Variants in RIGI observed in about 807,000 individuals in gnomAD.
RIGI encodes antiviral innate immune response receptor RIG-I.
the RIGI span, chr9:32,480,314 A>C: frequency 4.3e-6 from 7 of 1,609,642 alleles, no homozygotes; most frequent in Non-Finnish European, 5.9e-6. Flanking sequence ...AGCATCTTTC[A>C]TTCGTGCATG....
chr9:32,524,793 G>C, the RIGI span, among the ~76,000 whole-genome samples: 1 of 151,664 alleles, frequency 6.6e-6, no homozygotes, highest in Non-Finnish European at 1.5e-5. Flanking sequence ...GGTAGAGACG[G>C]GGTTTCACCA....
chr9:32,456,302 A>G, the RIGI span: 3 of 152,126 alleles, frequency 2.0e-5, no homozygotes, highest in Non-Finnish European at 2.9e-5. Context: ...TATGCTCTCT[A>G]CTAAAAGCTG....
chr9:32,497,448 A>G, the RIGI span, among the ~76,000 whole-genome samples: 2 of 152,136 alleles, frequency 1.3e-5, no homozygotes, highest in South Asian at 2.1e-4. Context: ...GGTTTTCTAC[A>G]TATAAGATTC....
the RIGI span, chr9:32,492,649 A>G: frequency 7.8e-7 from 1 of 1,276,028 alleles, no homozygotes; most frequent in South Asian, 1.3e-5. Context: ...GCCATTGTAC[A>G]TTACAGCTCA....
the RIGI span, among the ~76,000 whole-genome samples, chr9:32,471,636 T>C: frequency 6.6e-6 from 1 of 152,198 alleles, no homozygotes; most frequent in African/African-American, 2.4e-5. Flanking sequence ...GAAGGCTACA[T>C]GGCAGAAGCA....
At chr9:32,457,101 C>A in the RIGI span, 12 of 1,596,928 alleles carry the variant, frequency 7.5e-6, no homozygotes, top group South Asian at 1.3e-4. Flanking sequence ...TTCCCTGTAG[C>A]TGAAGATTGA....
the RIGI span, chr9:32,487,539 G>A: frequency 4.6e-5 from 74 of 1,613,978 alleles, no homozygotes; most frequent in Non-Finnish European, 5.8e-5. Flanking sequence ...TATCACTGAC[G>A]CATCAAGAGA....
At chr9:32,501,945 G>A in the RIGI span, among the ~76,000 whole-genome samples, 2 of 152,118 alleles carry the variant, frequency 1.3e-5, no homozygotes, top group East Asian at 1.9e-4. Context: ...TTTTGGAACT[G>A]TGAATCCATG....
the RIGI span, among the ~76,000 whole-genome samples, chr9:32,468,495 A>G: frequency 2.0e-5 from 3 of 152,124 alleles, no homozygotes; most frequent in African/African-American, 7.2e-5. Context: ...GGGAGAACCC[A>G]TCTCTACAAA....
chr9:32,463,061 A>G, the RIGI span, among the ~76,000 whole-genome samples: 2 of 152,004 alleles, frequency 1.3e-5, no homozygotes, highest in Admixed American at 1.3e-4. Flanking sequence ...GGAGGCTGAG[A>G]TTGCAGTGAG....
At chr9:32,473,128 T>C in the RIGI span, 1 of 1,212,306 alleles carries the variant, frequency 8.2e-7, no homozygotes, top group Non-Finnish European at 1.2e-6. Context: ...TAATTCAATA[T>C]TGAAATACAT....
chr9:32,482,290 C>T, the RIGI span, among the ~76,000 whole-genome samples: 1 of 152,094 alleles, frequency 6.6e-6, no homozygotes. Context: ...ATTTTCACAA[C>T]CCATGAGATA....
the RIGI span, among the ~76,000 whole-genome samples, chr9:32,499,325 T>TTTTTTTTTTTTTTTTTTTTTTTTTTTG: frequency 6.7e-6 from 1 of 149,606 alleles, no homozygotes; most frequent in African/African-American, 2.5e-5. Context: ...TGTTTTTTTT[T>TTTTTTTTTTTTTTTTTTTTTTTTTTTG]TTTTTTTTTT....
chr9:32,461,887 C>G, the RIGI span, among the ~76,000 whole-genome samples: 27 of 152,220 alleles, frequency 1.8e-4, no homozygotes, highest in African/African-American at 2.4e-4. Flanking sequence ...ATCATTTATG[C>G]TTTCAATATG....
the RIGI span, among the ~76,000 whole-genome samples, chr9:32,475,240 C>A: frequency 6.6e-6 from 1 of 152,174 alleles, no homozygotes; most frequent in South Asian, 2.1e-4. Flanking sequence ...GTGTGAGCCA[C>A]CATGCCCAGC....
chr9:32,476,015 T>C, the RIGI span, among the ~76,000 whole-genome samples: 2 of 152,004 alleles, frequency 1.3e-5, no homozygotes, highest in Non-Finnish European at 2.9e-5. Flanking sequence ...TTTTCAAAGA[T>C]CTGAACAGAC....
chr9:32,462,856 T>A, the RIGI span, among the ~76,000 whole-genome samples: 7 of 152,068 alleles, frequency 4.6e-5, no homozygotes, highest in Non-Finnish European at 8.8e-5. Flanking sequence ...TGTTTTGATT[T>A]AAAAAAACAA....
chr9:32,486,710 G>C, the RIGI span, among the ~76,000 whole-genome samples: 1 of 152,100 alleles, frequency 6.6e-6, no homozygotes, highest in Admixed American at 6.6e-5. Context: ...GGAGCCCAGA[G>C]GAATGCAACA....
the RIGI span, chr9:32,500,842 G>A: frequency 6.2e-7 from 1 of 1,614,148 alleles, no homozygotes; most frequent in Non-Finnish European, 8.5e-7. Flanking sequence ...CACGGAACCA[G>A]CCTTCCTCCT....
Sources: gnomAD v4.1 joint callset for allele counts (sites outside exome capture counted in the v4.1 genomes callset) on GRCh38, gnomAD v4.1.1 for gene constraint, MANE v1.5 for transcripts, NCBI Gene and HGNC (gene_info 2026-07-23, HGNC 2026-07-21) for gene names.